Variants in CLSTN2 observed in about 807,000 individuals in gnomAD.
The protein encoded by CLSTN2 is calsyntenin 2.
Under a neutral mutation model 101.2 loss-of-function variants are expected in CLSTN2, and 48 were observed. The observed-to-expected ratio is 0.47, with a 90% CI of 0.38 to 0.60. The LOEUF (loss-of-function observed/expected upper bound fraction) is 0.60, where lower values mean the gene tolerates loss of function less well. CLSTN2 is among the 20% of genes least tolerant of loss of function. The pLI is 0.00. For missense variants in CLSTN2, 1,160 were observed against 1,238.2 expected (o/e 0.94, Z 0.95); for synonymous variants, 481 against 463.6 (o/e 1.04, Z -0.48).
chr3:140,570,654 A>G lies in CLSTN2; in HGVS notation c.*4401A>G, dbSNP rs866373460. On this transcript the variant is annotated 3_prime_UTR_variant, in exon 17 of 17. Transcript: ENST00000458420. ...TAAAACAATTTAAAAACACTAAAAA[A>G]GCAGGCAGTTTGGATTTATGTAATT... 11 of 151,556 alleles carry G rather than the reference A, an allele frequency of 7.3e-5. No individual in the cohort carries two copies. Among genetic ancestry groups the G allele is most frequent in the African/African-American group, 2.2e-4 (9 of 40,792 alleles). 9.4% of individuals were successfully genotyped at this position (151,556 alleles called of 1,614,324 possible).
intron 8 of CLSTN2, among the ~76,000 whole-genome samples, chr3:140,518,084 G>T (rs1339792086): frequency 6.6e-6 from 1 of 152,058 alleles, no homozygotes; most frequent in East Asian, 1.9e-4. Context: ...GTAGGGAAAA[G>T]CCAGCACTTA....
At chr3:140,523,246 T>C (rs763391462) in intron 8 of CLSTN2, among the ~76,000 whole-genome samples, 1 of 152,202 alleles carries the variant, frequency 6.6e-6, no homozygotes, top group Non-Finnish European at 1.5e-5. Context: ...GGGACCCGAA[T>C]TCAGACAGTC....
intron 4 of CLSTN2, among the ~76,000 whole-genome samples, chr3:140,420,342 ATC>A (rs2088487902): frequency 1.3e-5 from 2 of 152,144 alleles, no homozygotes; most frequent in Non-Finnish European, 2.9e-5. Context: ...AAATATTTTA[ATC>A]TATTAGAATT....
intron 4 of CLSTN2, among the ~76,000 whole-genome samples, chr3:140,415,698 G>A (rs2088425309): frequency 6.6e-6 from 1 of 152,110 alleles, no homozygotes; most frequent in Non-Finnish European, 1.5e-5. Flanking sequence ...AGTCCATGAG[G>A]AGAAGCATTG....
At chr3:140,274,479 G>A (rs552435580) in intron 2 of CLSTN2, among the ~76,000 whole-genome samples, 6 of 152,288 alleles carry the variant, frequency 3.9e-5, no homozygotes, top group African/African-American at 1.2e-4. Flanking sequence ...CCATGAGCCA[G>A]CATCTTCAGA....
chr3:140,277,560 C>A (rs1450778950), intron 2 of CLSTN2, among the ~76,000 whole-genome samples: 2 of 152,180 alleles, frequency 1.3e-5, no homozygotes, highest in African/African-American at 4.8e-5. Flanking sequence ...ATCTTCTATT[C>A]AATTCTGTTG....
chr3:140,051,172 C>A (rs1241068804), intron 1 of CLSTN2, among the ~76,000 whole-genome samples: 1 of 152,224 alleles, frequency 6.6e-6, no homozygotes, highest in Admixed American at 6.5e-5. Flanking sequence ...TCAGGCTTCG[C>A]TGATCGTGTG....
At chr3:140,144,827 C>T (rs1256801335) in intron 1 of CLSTN2, among the ~76,000 whole-genome samples, 1 of 152,226 alleles carries the variant, frequency 6.6e-6, no homozygotes, top group East Asian at 1.9e-4. Context: ...CAACAGGCTG[C>T]ACATTCTTCA....
intron 10 of CLSTN2, among the ~76,000 whole-genome samples, chr3:140,555,898 GGATA>G (rs138484478): frequency 0.02 from 2,980 of 152,252 alleles, 102 homozygotes; most frequent in African/African-American, 0.069. Context: ...TGGATGAAAT[GGATA>G]GATAACAAAC....
chr3:140,465,817 A>G (rs1384276492), intron 7 of CLSTN2, among the ~76,000 whole-genome samples: 2 of 152,240 alleles, frequency 1.3e-5, no homozygotes, highest in Non-Finnish European at 2.9e-5. Context: ...TCCACTACAC[A>G]TGGGCACCTG....
At chr3:140,109,295 T>C (rs1217755435) in intron 1 of CLSTN2, among the ~76,000 whole-genome samples, 1 of 152,134 alleles carries the variant, frequency 6.6e-6, no homozygotes, top group Non-Finnish European at 1.5e-5. Context: ...CTGTAGAGAA[T>C]CATAGTCACC....
At chr3:139,951,483 A>G (rs546714391) in intron 1 of CLSTN2, among the ~76,000 whole-genome samples, 1 of 152,170 alleles carries the variant, frequency 6.6e-6, no homozygotes, top group Non-Finnish European at 1.5e-5. Flanking sequence ...TAGACCAAGC[A>G]AAAGGAGAAT....
In CLSTN2 at chr3:140,572,501, C is replaced by G. The variant is rs1985587575; in HGVS notation, c.*6248C>G. On this transcript the variant is annotated 3_prime_UTR_variant, in exon 17 of 17. Transcript: ENST00000458420. ...GGAGCCAAGTCTCAAAAGGCACAAG[C>G]CAGACTGATGCAAGGGAGCCCTCCT... 1 of 152,248 alleles carries G rather than the reference C, an allele frequency of 6.6e-6. No homozygotes were observed. The allele number at this position is 152,248 out of a possible 1,614,324, so 9.4% of individuals were successfully genotyped here. A position where few individuals can be genotyped will look rare whatever the true frequency, so the allele number is the denominator to read the frequency against.
intron 2 of CLSTN2, among the ~76,000 whole-genome samples, chr3:140,215,163 C>A (rs893968870): frequency 5.9e-5 from 9 of 151,692 alleles, no homozygotes; most frequent in African/African-American, 2.2e-4. Flanking sequence ...TGCCGTCTTT[C>A]TCTCCTCTTC....
chr3:140,158,733 C>A (rs1202095806), intron 1 of CLSTN2, among the ~76,000 whole-genome samples: 5 of 152,060 alleles, frequency 3.3e-5, no homozygotes. Flanking sequence ...CAAAGCAATC[C>A]TAAGGGAAAA....
chr3:140,507,745 T>TTAA, intron 8 of CLSTN2: 1 of 152,304 alleles, frequency 6.6e-6, no homozygotes, highest in Middle Eastern at 3.4e-3. Flanking sequence ...ACGTGAGTGT[T>TTAA]TAATTTTCTG....
At chr3:140,485,559 G>A (rs992532039) in intron 8 of CLSTN2, among the ~76,000 whole-genome samples, 2 of 152,214 alleles carry the variant, frequency 1.3e-5, no homozygotes, top group Non-Finnish European at 2.9e-5. Context: ...CAGAGGTGGA[G>A]TCTACAGTGG....
At chr3:140,560,977 G>T (rs567189364) in intron 12 of CLSTN2, among the ~76,000 whole-genome samples, 114 of 151,616 alleles carry the variant, frequency 7.5e-4, no homozygotes, top group African/African-American at 2.2e-3. Flanking sequence ...TTAAGATAAA[G>T]AAATTATTTA....
intron 1 of CLSTN2, among the ~76,000 whole-genome samples, chr3:140,081,906 A>G (rs953180099): frequency 6.6e-6 from 1 of 152,200 alleles, no homozygotes; most frequent in South Asian, 2.1e-4. Context: ...TTTATTATAT[A>G]TAAAACTCAG....
Sources: allele counts gnomAD v4.1 joint callset (sites outside exome capture counted in the v4.1 genomes callset), GRCh38; gene constraint gnomAD v4.1.1; transcripts MANE v1.5; gene names NCBI Gene and HGNC (gene_info 2026-07-23, HGNC 2026-07-21).